The following EIF1AX variants were observed in gnomAD, a reference collection of about 807,000 sequenced individuals.
EIF1AX encodes the protein eukaryotic translation initiation factor 1A X-linked, also known as eukaryotic translation initiation factor 1A, X-chromosomal.
Under a neutral mutation model 16.1 loss-of-function variants are expected in EIF1AX, and 1 was observed. That is an observed-to-expected ratio of 0.06 (90% CI 0.02 to 0.30). EIF1AX has a LOEUF of 0.30. Among genes scored for constraint, EIF1AX ranks in the 10% least tolerant of loss-of-function variants. The probability of loss-of-function intolerance (pLI) is 1.00; values close to 1 mark genes in which losing one functional copy is unlikely to be tolerated. For synonymous variants in EIF1AX, 32 were observed against 37.3 expected (o/e 0.86, Z 0.51); for missense variants, 11 against 109.1 (o/e 0.10, Z 4.00).
chrX:20,131,150 C>A (rs1203492997), intron 5 of EIF1AX, among the ~76,000 whole-genome samples: 1 of 111,460 alleles, frequency 9.0e-6, no homozygotes, highest in African/African-American at 3.3e-5. Flanking sequence ...AAAATGCAGG[C>A]CTACAGAACA....
intron 6 of EIF1AX, 142 bp downstream of exon 6, chrX:20,130,374 T>C: frequency 3.7e-6 from 1 of 268,821 alleles, no homozygotes; most frequent in Non-Finnish European, 5.4e-6. Context: ...GTCTTCTAAA[T>C]AATATTATTT....
chrX:20,137,602 G>C (rs1329620295), intron 2 of EIF1AX, among the ~76,000 whole-genome samples: 1 of 111,851 alleles, frequency 8.9e-6, no homozygotes, highest in African/African-American at 3.3e-5. Context: ...ATCCAGTTAG[G>C]ATTTATTTGA....
At chrX:20,140,851 TG>T (rs1404864629) in intron 1 of EIF1AX, among the ~76,000 whole-genome samples, 7 of 109,862 alleles carry the variant, frequency 6.4e-5, no homozygotes, top group South Asian at 3.7e-4. Flanking sequence ...TTTTTGTTTT[TG>T]TTTTTTTTTT....
In EIF1AX at chrX:20,128,102, G is replaced by T; in HGVS notation, c.*204C>A. The T allele has an allele frequency of 3.3e-6, 1 of 302,312 alleles. No homozygotes were observed. Among genetic ancestry groups the T allele is most frequent in the Non-Finnish European group, 5.8e-6 (1 of 171,556 alleles). The allele number at this position is 302,312 out of a possible 1,213,427, so 24.9% of individuals were successfully genotyped here. Reference sequence around the variant, plus strand: ...ACCCATAAGCTCCATTACATTAAAAGAACAAAGTGGGCTTAACATCTCACT... The same window carrying T: ...ACCCATAAGCTCCATTACATTAAAATAACAAAGTGGGCTTAACATCTCACT... On this transcript the variant is annotated 3_prime_UTR_variant, in exon 7 of 7. Transcript: ENST00000379607.
intron 4 of EIF1AX, 49 bp downstream of exon 4, chrX:20,133,908 C>A (rs1223156348): frequency 2.0e-6 from 2 of 992,378 alleles, no homozygotes; most frequent in Non-Finnish European, 2.8e-6. Context: ...AGAAATGGCT[C>A]ATCAAATTCA....
In EIF1AX at chrX:20,126,455, T is replaced by C. The variant is rs2066985520; in HGVS notation, c.*1851A>G. ...TGAACTGGGGTTATAGCTGAATTTT[T>C]AGAAACTCTCCAGACAAACCACGTG... is the stretch of plus-strand genomic sequence containing the variant. On this transcript the variant is annotated 3_prime_UTR_variant, in exon 7 of 7. Coordinates refer to ENST00000379607, the MANE Select transcript of EIF1AX (RefSeq NM_001412.4). 1 of 132,773 alleles carries C rather than the reference T, an allele frequency of 7.5e-6. No individual in the cohort carries two copies. Among genetic ancestry groups the C allele is most frequent in the Non-Finnish European group, 1.5e-5 (1 of 67,456 alleles). The allele number at this position is 132,773 out of a possible 1,213,427, so 10.9% of individuals were successfully genotyped here. A position where few individuals can be genotyped will look rare whatever the true frequency, so the allele number is the denominator to read the frequency against.
At chrX:20,140,874 G>A (rs143340275) in intron 1 of EIF1AX, among the ~76,000 whole-genome samples, 129 of 108,465 alleles carry the variant, frequency 1.2e-3, no homozygotes, top group Middle Eastern at 4.7e-3. Context: ...TTAAGATTAG[G>A]CCTTCCGTTT....
rs1208348442 is a variant in EIF1AX, at chrX:20,125,953, T to C, written c.*2353A>G. The C allele has an allele frequency of 1.2e-4, 14 of 115,893 alleles. No homozygotes were observed. Among genetic ancestry groups the C allele is most frequent in the African/African-American group, 1.0e-3 (13 of 12,526 alleles). The allele number at this position is 115,893 out of a possible 1,213,427, so 9.6% of individuals were successfully genotyped here. On this transcript the variant is annotated 3_prime_UTR_variant, in exon 7 of 7. Transcript: ENST00000379607. Reference sequence around the variant, plus strand: ...AAATATTCAACAAACAATGAAATCTTGGCTTTTTTTTTTTTTTACACAAAT... The same window carrying C: ...AAATATTCAACAAACAATGAAATCTCGGCTTTTTTTTTTTTTTACACAAAT...
rs1298241824 is a variant in EIF1AX at position 20,130,399 on chromosome X, T to G, written c.429+117A>C. 3.2e-5 allele frequency: 21 copies of G among 648,511 alleles called. No individual in the cohort carries two copies. The African/African-American group carries it at 4.4e-4, about 14-fold the overall frequency. The allele number at this position is 648,511 out of a possible 1,213,427, so 53.4% of individuals were successfully genotyped here. A position where few individuals can be genotyped will look rare whatever the true frequency, so the allele number is the denominator to read the frequency against. ...TAATATTATTTAATTCAGACAATTC[T>G]CAAAATACAACCTTATTTAAGTGTC... On this transcript the variant is annotated intron_variant, in intron 6 of 6. Coordinates refer to ENST00000379607, the MANE Select transcript of EIF1AX (RefSeq NM_001412.4).
chrX:20,140,602 C>T (rs771068873), intron 1 of EIF1AX, among the ~76,000 whole-genome samples: 48 of 111,869 alleles, frequency 4.3e-4, no homozygotes, highest in Admixed American at 1.4e-3. Context: ...GGTAGAATCC[C>T]TGGAGCCAGC....
chrX:20,127,195 TA>T lies in EIF1AX; in HGVS notation c.*1110del, dbSNP rs1455864249. The T allele has an allele frequency of 6.6e-6, 1 of 150,498 alleles. No homozygotes were observed. Among genetic ancestry groups the T allele is most frequent in the Non-Finnish European group, 1.3e-5 (1 of 74,844 alleles). 12.4% of individuals were successfully genotyped at this position (150,498 alleles called of 1,213,427 possible). A position where few individuals can be genotyped will look rare whatever the true frequency, so the allele number is the denominator to read the frequency against. On this transcript the variant is annotated 3_prime_UTR_variant, in exon 7 of 7. Coordinates refer to ENST00000379607, the MANE Select transcript of EIF1AX (RefSeq NM_001412.4). The stretch of plus-strand genomic sequence containing the variant: ...AACAAAAACAAAACCATTCACATAA[TA>T]AAATATATCCTTAACACAAAATAAG...
chrX:20,137,951 C>A (rs181609007), intron 2 of EIF1AX, among the ~76,000 whole-genome samples: 98 of 102,719 alleles, frequency 9.5e-4, no homozygotes, highest in African/African-American at 3.3e-3. Context: ...CCCAGGAGTT[C>A]GAGAATAGCC....
chrX:20,141,815 C>A lies in EIF1AX; in HGVS notation c.-175G>T. ...CAGCTCTTCAGAGATCCGCCTGCGT[C>A]CACGCTCGGCGGCAGCAAATGGCGC... On this transcript the variant is annotated 5_prime_UTR_variant, in exon 1 of 7. Coordinates refer to ENST00000379607, the MANE Select transcript of EIF1AX (RefSeq NM_001412.4). 1 of 450,703 alleles carries A rather than the reference C, an allele frequency of 2.2e-6. No homozygotes were observed. The highest frequency in any genetic ancestry group is 4.6e-5 in the East Asian group (1 of 21,779). 37.1% of individuals were successfully genotyped at this position (450,703 alleles called of 1,213,427 possible).
chrX:20,125,861 G>C lies in EIF1AX; in HGVS notation c.*2445C>G, dbSNP rs1407851769. On this transcript the variant is annotated 3_prime_UTR_variant, in exon 7 of 7. Transcript: ENST00000379607. ...ACAGCCATTCCTAAATAAAATACAA[G>C]AATTTCCATCATGCATAGTTTACAG... 1.9e-5 allele frequency: 3 copies of C among 154,416 alleles called. No homozygotes were observed. Among genetic ancestry groups the C allele is most frequent in the African/African-American group, 9.3e-5 (3 of 32,335 alleles). 12.7% of individuals were successfully genotyped at this position (154,416 alleles called of 1,213,427 possible).
intron 4 of EIF1AX, among the ~76,000 whole-genome samples, 174 bp downstream of exon 4, chrX:20,133,783 G>A (rs992562945): frequency 8.9e-6 from 1 of 111,879 alleles, no homozygotes; most frequent in Non-Finnish European, 1.9e-5. Flanking sequence ...GCCTTTTGTG[G>A]GATGGGCACT....
At chrX:20,138,403 T>C (rs1303487314) in intron 2 of EIF1AX, 136 bp downstream of exon 2, 4 of 516,998 alleles carry the variant, frequency 7.7e-6, no homozygotes, top group African/African-American at 2.4e-5. Context: ...CAGGAGGTCA[T>C]GGCTGCAGTG....
chrX:20,129,085 G>GT (rs1346407171), intron 6 of EIF1AX, among the ~76,000 whole-genome samples: 2 of 111,134 alleles, frequency 1.8e-5, no homozygotes, highest in Non-Finnish European at 3.8e-5. Flanking sequence ...CAGTTTAGTC[G>GT]TAAGACTCCT....
intron 3 of EIF1AX, among the ~76,000 whole-genome samples, chrX:20,135,100 CTTTTTTTTTT>C (rs755530368): frequency 2.3e-5 from 2 of 88,250 alleles, no homozygotes; most frequent in Admixed American, 1.3e-4. Flanking sequence ...AGTACCCCAG[CTTTTTTTTTT>C]TTTTTTTTTT....
intron 3 of EIF1AX, among the ~76,000 whole-genome samples, chrX:20,135,438 C>T (rs948419750): frequency 1.8e-5 from 2 of 109,874 alleles, no homozygotes; most frequent in Non-Finnish European, 3.8e-5. Context: ...AAGAGTGAGA[C>T]CCTGTATCAA....
Sources: gnomAD v4.1 joint callset for allele counts (sites outside exome capture counted in the v4.1 genomes callset) on GRCh38, gnomAD v4.1.1 for gene constraint, MANE v1.5 for transcripts, NCBI Gene and HGNC (gene_info 2026-07-23, HGNC 2026-07-21) for gene names.